AMPH: variants seen among roughly 807,000 people sequenced by gnomAD.
AMPH encodes the protein amphiphysin.
AMPH carries 49 observed loss-of-function variants against 99.1 expected under a neutral mutation model. The observed-to-expected ratio is 0.49, with a 90% CI of 0.39 to 0.63. The LOEUF (loss-of-function observed/expected upper bound fraction) is 0.63, where lower values mean the gene tolerates loss of function less well. Ranked by LOEUF, AMPH falls within the 20% of genes least tolerant of loss-of-function variation. The pLI is 0.00. For synonymous variants in AMPH, 314 were observed against 317.3 expected (o/e 0.99, Z 0.11); for missense variants, 759 against 863.4 (o/e 0.88, Z 1.52).
intron 11 of AMPH, among the ~76,000 whole-genome samples, chr7:38,449,583 C>T (rs73352658): frequency 0.043 from 6,611 of 152,122 alleles, 476 homozygotes; most frequent in African/African-American, 0.15. Context: ...TTTCAGAATA[C>T]CAGATGATAC....
intron 11 of AMPH, among the ~76,000 whole-genome samples, chr7:38,447,028 TGTTTG>T (rs1213201119): frequency 1.5e-4 from 21 of 136,448 alleles, no homozygotes; most frequent in East Asian, 4.5e-4. Flanking sequence ...TTTTTTTTTT[TGTTTG>T]TTTGAGACGG....
At chr7:38,456,489 A>T (rs1787239718) in intron 11 of AMPH, among the ~76,000 whole-genome samples, 1 of 152,132 alleles carries the variant, frequency 6.6e-6, no homozygotes, top group African/African-American at 2.4e-5. Context: ...CCAGTCTACC[A>T]CTGTTGGCAC....
At chr7:38,624,401 T>C (rs2129071807) in intron 1 of AMPH, among the ~76,000 whole-genome samples, 1 of 152,214 alleles carries the variant, frequency 6.6e-6, no homozygotes, top group South Asian at 2.1e-4. Flanking sequence ...GTATTAGTAT[T>C]AGTATTATTT....
At chr7:38,605,230 AG>A (rs1793392435) in intron 1 of AMPH, among the ~76,000 whole-genome samples, 1 of 152,118 alleles carries the variant, frequency 6.6e-6, no homozygotes, top group African/African-American at 2.4e-5. Flanking sequence ...TGAGGGGACG[AG>A]GGGAACATGG....
intron 2 of AMPH, among the ~76,000 whole-genome samples, chr7:38,518,675 C>A (rs1346499520): frequency 2.0e-5 from 3 of 152,194 alleles, no homozygotes; most frequent in Non-Finnish European, 4.4e-5. Flanking sequence ...ATTTCACAGG[C>A]TCACAGCTGA....
chr7:38,543,287 T>C (rs775078694), intron 1 of AMPH, among the ~76,000 whole-genome samples: 1 of 152,036 alleles, frequency 6.6e-6, no homozygotes, highest in Admixed American at 6.6e-5. Context: ...AACGCTGACC[T>C]GCTGTACAAA....
At chr7:38,453,999 G>A (rs1787136724) in intron 11 of AMPH, among the ~76,000 whole-genome samples, 1 of 152,206 alleles carries the variant, frequency 6.6e-6, no homozygotes, top group African/African-American at 2.4e-5. Flanking sequence ...AAGATCCTTT[G>A]GCACTAAGAC....
intron 1 of AMPH, among the ~76,000 whole-genome samples, chr7:38,589,342 G>C (rs1429182146): frequency 6.6e-6 from 1 of 152,184 alleles, no homozygotes; most frequent in Non-Finnish European, 1.5e-5. Flanking sequence ...ACCCATCTCT[G>C]AATCCCACCG....
At chr7:38,593,628 C>A (rs961643349) in intron 1 of AMPH, among the ~76,000 whole-genome samples, 1 of 152,208 alleles carries the variant, frequency 6.6e-6, no homozygotes, top group Non-Finnish European at 1.5e-5. Context: ...ATGCCACATT[C>A]GGTCCTGCTT....
rs1034274714 is a variant in AMPH at position 38,450,944 on chromosome 7, G to A, written c.1017+10339C>T. ...TCGCTCTTGTCACCTAGGCTGGAATGCAGTACTGTGATCATAGCTCACTGT... is the reference window on the plus strand; with the variant it reads ...TCGCTCTTGTCACCTAGGCTGGAATACAGTACTGTGATCATAGCTCACTGT... On this transcript the variant is annotated intron_variant, in intron 11 of 20. Coordinates refer to ENST00000356264, the MANE Select transcript of AMPH (RefSeq NM_001635.4). Among the ~76,000 whole-genome samples the A allele has an allele frequency of 3.3e-5, 5 of 150,458 alleles. 1 individual carries two copies. Among genetic ancestry groups the A allele is most frequent in the Admixed American group, 1.3e-4 (2 of 15,126 alleles).
At chr7:38,511,974 T>C (rs1192265081) in intron 2 of AMPH, among the ~76,000 whole-genome samples, 1 of 152,208 alleles carries the variant, frequency 6.6e-6, no homozygotes, top group African/African-American at 2.4e-5. Flanking sequence ...GTCAAATGTG[T>C]GACTTGACTC....
intron 2 of AMPH, among the ~76,000 whole-genome samples, chr7:38,526,205 T>C (rs895319787): frequency 3.9e-5 from 6 of 152,254 alleles, no homozygotes; most frequent in Admixed American, 2.6e-4. Flanking sequence ...GTATTAAAAA[T>C]CTTTTCATAT....
At chr7:38,443,289 C>G in intron 11 of AMPH, among the ~76,000 whole-genome samples, 1 of 151,946 alleles carries the variant, frequency 6.6e-6, no homozygotes, top group East Asian at 1.9e-4. Context: ...TTCTATCAAA[C>G]CTTTAAGCAA....
At chr7:38,496,639 C>T (rs1562791566) in intron 3 of AMPH, among the ~76,000 whole-genome samples, 1 of 152,136 alleles carries the variant, frequency 6.6e-6, no homozygotes, top group Non-Finnish European at 1.5e-5. Flanking sequence ...ATGATATGGT[C>T]AACACTGAGG....
chr7:38,477,302 C>T (rs1220733199), intron 5 of AMPH, among the ~76,000 whole-genome samples: 1 of 152,012 alleles, frequency 6.6e-6, no homozygotes, highest in Non-Finnish European at 1.5e-5. Flanking sequence ...ATTCTCTAGT[C>T]GAAATCTTTA....
rs144929601 is a variant in AMPH, at chr7:38,438,235, C to A, written c.1018-1847G>T. Among the ~76,000 whole-genome samples the A allele has an allele frequency of 3.0e-3, 458 of 152,270 alleles. 4 individuals carry two copies. Among genetic ancestry groups the A allele is most frequent in the African/African-American group, 0.011 (446 of 41,540 alleles). The stretch of plus-strand genomic sequence containing the variant: ...ATCTAATGTTGACAACACTTTATTG[C>A]CTTTAAAGCATTTATCTTGCCATGT... On this transcript the variant is annotated intron_variant, in intron 11 of 20. Transcript: ENST00000356264.
At chr7:38,522,647 G>C (rs1790010999) in intron 2 of AMPH, among the ~76,000 whole-genome samples, 1 of 152,210 alleles carries the variant, frequency 6.6e-6, no homozygotes, top group South Asian at 2.1e-4. Context: ...TACAGCTAGA[G>C]AGCTAGAGAG....
chr7:38,480,815 C>T (rs766219737), intron 5 of AMPH, among the ~76,000 whole-genome samples: 20 of 152,248 alleles, frequency 1.3e-4, no homozygotes, highest in Admixed American at 3.9e-4. Flanking sequence ...CAGTGGCCTA[C>T]GTAACTATAT....
chr7:38,578,620 T>C (rs1021507376), intron 1 of AMPH, among the ~76,000 whole-genome samples: 1 of 152,086 alleles, frequency 6.6e-6, no homozygotes, highest in Non-Finnish European at 1.5e-5. Flanking sequence ...ATTTTTTAAA[T>C]TAACCACATG....
Sources: gnomAD v4.1 joint callset for allele counts (sites outside exome capture counted in the v4.1 genomes callset) on GRCh38, gnomAD v4.1.1 for gene constraint, MANE v1.5 for transcripts, NCBI Gene and HGNC (gene_info 2026-07-23, HGNC 2026-07-21) for gene names.